POU6F2: variants seen among roughly 807,000 people sequenced by gnomAD.
POU6F2 encodes POU class 6 homeobox 2.
Under a neutral mutation model 71.3 loss-of-function variants are expected in POU6F2, and 31 were observed. The observed-to-expected ratio is 0.43, with a 90% CI of 0.33 to 0.59. The LOEUF is 0.59. Ranked by LOEUF, POU6F2 falls within the 20% of genes least tolerant of loss-of-function variation. POU6F2 has a pLI of 0.04. For missense variants in POU6F2, 783 were observed against 856.8 expected (o/e 0.91, Z 1.07); for synonymous variants, 347 against 355.7 (o/e 0.98, Z 0.27).
intron 1 of POU6F2, among the ~76,000 whole-genome samples, chr7:39,001,341 C>T (rs1021349236): frequency 1.6e-4 from 25 of 151,518 alleles, no homozygotes; most frequent in Non-Finnish European, 1.9e-4. Context: ...TGATTTTTAT[C>T]GAGTACTTGT....
In POU6F2 at chr7:39,339,909, A is replaced by G; in HGVS notation, c.866A>G (p.Gln289Arg). The change falls in exon 5 of 10, where the codon CAG (glutamine) becomes CGG (arginine). Residue 289 changes from glutamine (Q) to arginine (R), a missense_variant. By Grantham distance (43) the Gln-to-Arg change is conservative. This residue lies in a region of POU6F2 where 572 missense variants were observed against 572.9 expected (regional missense o/e 1.00). Coordinates refer to ENST00000518318, the MANE Select transcript of POU6F2 (RefSeq NM_001370959.1). ...QHQPHSHSQN[Q>R]NQPSPTQQSS... ...CAACCCCACTCCCACTCCCAGAACC[A>G]GAACCAACCATCTCCAACCCAGCAG... The G allele has an allele frequency of 1.2e-6, 2 of 1,613,780 alleles. No individual in the cohort carries two copies.
In POU6F2 at chr7:39,306,006, TA is replaced by T. The variant is rs11396165; in HGVS notation, c.599-33626del. Among the ~76,000 whole-genome samples the T allele has an allele frequency of 6.0e-5, 9 of 150,548 alleles. No homozygotes were observed. The South Asian group carries it at 1.1e-3, about 18-fold the overall frequency. On this transcript the variant is annotated intron_variant, in intron 4 of 9. Coordinates refer to ENST00000518318, the MANE Select transcript of POU6F2 (RefSeq NM_001370959.1). The stretch of plus-strand genomic sequence containing the variant: ...CTTACAATTTCCTTTTCTTTCCCTT[TA>T]AAAAAAAAATCTATAGTTACTTAAC...
At position 39,207,412 on chromosome 7, in the gene POU6F2, G is replaced by A. The variant is rs1405066899; in HGVS notation, c.390G>A (p.Gln130=). The A allele has an allele frequency of 6.2e-7, 1 of 1,613,976 alleles. No individual in the cohort carries two copies. Among genetic ancestry groups the A allele is most frequent in the Non-Finnish European group, 8.5e-7 (1 of 1,179,852 alleles). ...VGPQPLLTAQ[Q]LASAVAGVMP... ...TGCAGCCACTTCTGACGGCACAGCAGTTAGCTTCTGCTGTGGCCGGCGTGA... is the reference window on the plus strand; with the variant it reads ...TGCAGCCACTTCTGACGGCACAGCAATTAGCTTCTGCTGTGGCCGGCGTGA... The change falls in exon 4 of 10, where the codon CAG becomes CAA. Residue 130 remains glutamine, a synonymous_variant. Coordinates refer to ENST00000518318, the MANE Select transcript of POU6F2 (RefSeq NM_001370959.1).
chr7:38,987,809 G>A (rs529329765), intron 1 of POU6F2, among the ~76,000 whole-genome samples: 2 of 152,204 alleles, frequency 1.3e-5, no homozygotes, highest in Admixed American at 1.3e-4. Context: ...AGGTGGTAAT[G>A]AAATCTTATA....
intron 1 of POU6F2, among the ~76,000 whole-genome samples, chr7:39,072,812 G>A (rs1043779216): frequency 1.3e-5 from 2 of 152,142 alleles, no homozygotes; most frequent in Non-Finnish European, 2.9e-5. Flanking sequence ...TGCGTGGAGC[G>A]ACATGTTTAT....
intron 5 of POU6F2, among the ~76,000 whole-genome samples, chr7:39,341,112 T>C (rs1785908964): frequency 6.6e-6 from 1 of 152,092 alleles, no homozygotes; most frequent in Non-Finnish European, 1.5e-5. Flanking sequence ...GGCTCCTAAA[T>C]AGAAAAGTAT....
rs542260104 is a variant in POU6F2 at position 39,273,967 on chromosome 7, G to C, written c.599-65675G>C. Among the ~76,000 whole-genome samples, 6 of 152,176 alleles carry C rather than the reference G, an allele frequency of 3.9e-5. No individual in the cohort carries two copies. In the East Asian group the frequency reaches 1.2e-3, roughly 29 times the overall value. On this transcript the variant is annotated intron_variant, in intron 4 of 9. Transcript: ENST00000518318. ...TATTGAAAAAATATTTATAATAACT[G>C]CATGACTATGGCAACTTTGCTTATT... is the stretch of plus-strand genomic sequence containing the variant.
chr7:39,162,902 G>A (rs1338985088), intron 2 of POU6F2, among the ~76,000 whole-genome samples: 2 of 152,098 alleles, frequency 1.3e-5, no homozygotes, highest in Non-Finnish European at 2.9e-5. Context: ...TCTGTAACAT[G>A]GTTTGTCATA....
intron 5 of POU6F2, among the ~76,000 whole-genome samples, chr7:39,384,568 A>C (rs976342822): frequency 8.8e-4 from 29 of 32,848 alleles, no homozygotes; most frequent in African/African-American, 2.0e-3. Context: ...AAAAAATGAC[A>C]AAAAAAAAGC....
intron 5 of POU6F2, among the ~76,000 whole-genome samples, chr7:39,347,138 G>T (rs1401545811): frequency 6.6e-6 from 1 of 152,098 alleles, no homozygotes; most frequent in Non-Finnish European, 1.5e-5. Context: ...TTATGTGAGG[G>T]TATCTAATTT....
chr7:39,408,245 GA>G (rs1446426570), intron 6 of POU6F2, among the ~76,000 whole-genome samples: 2 of 152,210 alleles, frequency 1.3e-5, no homozygotes, highest in Non-Finnish European at 2.9e-5. Context: ...GTTCAAGATA[GA>G]AACCATATCC....
chr7:39,151,113 G>C (rs192640250), intron 2 of POU6F2, among the ~76,000 whole-genome samples: 5 of 151,802 alleles, frequency 3.3e-5, no homozygotes, highest in Admixed American at 2.6e-4. Context: ...AGTTTTCATC[G>C]TGATTCCAAA....
At chr7:39,405,578 A>T (rs901558323) in intron 5 of POU6F2, among the ~76,000 whole-genome samples, 1 of 152,236 alleles carries the variant, frequency 6.6e-6, no homozygotes, top group Non-Finnish European at 1.5e-5. Context: ...TGGGGAAAAA[A>T]ATAACACCCT....
chr7:39,340,911 A>G (rs1785904671), intron 5 of POU6F2, among the ~76,000 whole-genome samples: 1 of 152,238 alleles, frequency 6.6e-6, no homozygotes, highest in Non-Finnish European at 1.5e-5. Flanking sequence ...TTTGACTTGC[A>G]CAATGACATT....
At chr7:39,297,193 A>T (rs1325140698) in intron 4 of POU6F2, among the ~76,000 whole-genome samples, 2 of 132,272 alleles carry the variant, frequency 1.5e-5, no homozygotes, top group Non-Finnish European at 3.2e-5. Context: ...ACACACATAC[A>T]CATACACACA....
intron 6 of POU6F2, among the ~76,000 whole-genome samples, chr7:39,411,235 G>A (rs554506097): frequency 1.4e-4 from 22 of 152,266 alleles, no homozygotes; most frequent in Admixed American, 7.8e-4. Flanking sequence ...GTGTATATAT[G>A]TGCTCTTAAC....
chr7:39,164,770 C>A (rs561554833), intron 2 of POU6F2, among the ~76,000 whole-genome samples: 1 of 152,134 alleles, frequency 6.6e-6, no homozygotes, highest in South Asian at 2.1e-4. Context: ...AAGTCTAATA[C>A]TCCTGTAGTT....
intron 1 of POU6F2, among the ~76,000 whole-genome samples, chr7:39,032,402 C>T (rs1789964553): frequency 6.6e-6 from 1 of 152,182 alleles, no homozygotes; most frequent in African/African-American, 2.4e-5. Flanking sequence ...CATGCAGCCG[C>T]CATCCCTGAT....
intron 1 of POU6F2, among the ~76,000 whole-genome samples, chr7:39,052,143 T>C (rs1790411838): frequency 6.6e-6 from 1 of 152,136 alleles, no homozygotes; most frequent in Non-Finnish European, 1.5e-5. Context: ...TCACATAGTG[T>C]GTCTTTCCAG....
Sources: gnomAD v4.1 joint callset for allele counts (sites outside exome capture counted in the v4.1 genomes callset) on GRCh38, gnomAD v4.1.1 for gene constraint, gnomAD v4.1.1 regional missense constraint, MANE v1.5 for transcripts, NCBI Gene and HGNC (gene_info 2026-07-23, HGNC 2026-07-21) for gene names.